Variants in TTC17 observed in about 807,000 individuals in gnomAD.
TTC17 encodes tetratricopeptide repeat protein 17.
TTC17 carries 58 observed loss-of-function variants against 143.8 expected under a neutral mutation model. The observed-to-expected ratio is 0.40, with a 90% CI of 0.33 to 0.50. The LOEUF (loss-of-function observed/expected upper bound fraction) is 0.50. TTC17 is among the 20% of genes least tolerant of loss of function. The probability of loss-of-function intolerance (pLI) is 0.49; values close to 1 mark genes in which losing one functional copy is unlikely to be tolerated. For missense variants in TTC17, 1,273 were observed against 1,392.5 expected (o/e 0.91, Z 1.37); for synonymous variants, 501 against 497.8 (o/e 1.01, Z -0.09).
At chr11:43,417,125 A>G (rs769976349) in intron 16 of TTC17, among the ~76,000 whole-genome samples, 1 of 152,180 alleles carries the variant, frequency 6.6e-6, no homozygotes, top group African/African-American at 2.4e-5. Flanking sequence ...ACTTATTTCC[A>G]GAGTAATCCC....
intron 16 of TTC17, chr11:43,435,129 AGATC>A (rs1554995317): frequency 2.0e-5 from 3 of 147,242 alleles, no homozygotes; most frequent in South Asian, 2.2e-4. Flanking sequence ...ATAGATAGAT[AGATC>A]GGTCTATCTT....
chr11:43,400,306 CA>C (rs1857796383), intron 9 of TTC17, among the ~76,000 whole-genome samples: 1 of 152,094 alleles, frequency 6.6e-6, no homozygotes, highest in Non-Finnish European at 1.5e-5. Flanking sequence ...CAGTTATTTG[CA>C]TTCTGTGTTC....
intron 15 of TTC17, among the ~76,000 whole-genome samples, chr11:43,411,971 T>C (rs183308363): frequency 1.9e-3 from 285 of 152,312 alleles, no homozygotes; most frequent in Non-Finnish European, 2.3e-3. Flanking sequence ...AGGGATATAT[T>C]GTACAGTTTG....
rs1475762770 is a variant in TTC17, at chr11:43,369,999, A to G, written c.160-9234A>G. On this transcript the variant is annotated intron_variant, in intron 1 of 23. Coordinates refer to ENST00000039989, the MANE Select transcript of TTC17 (RefSeq NM_018259.6). ...ATATATTTCCAAATCTTGGCAGTTCATTATAATAGTTTTCTCAATCTCATA... is the reference window on the plus strand; with the variant it reads ...ATATATTTCCAAATCTTGGCAGTTCGTTATAATAGTTTTCTCAATCTCATA... 6.4e-5 allele frequency: 28 copies of G among 440,426 alleles called. No homozygotes were observed. The East Asian group carries it at 1.8e-3, about 29-fold the overall frequency. 27.3% of individuals were successfully genotyped at this position (440,426 alleles called of 1,614,324 possible). A position where few individuals can be genotyped will look rare whatever the true frequency, so the allele number is the denominator to read the frequency against.
At chr11:43,416,701 G>T (rs144060726) in intron 16 of TTC17, among the ~76,000 whole-genome samples, 1 of 152,200 alleles carries the variant, frequency 6.6e-6, no homozygotes, top group East Asian at 1.9e-4. Flanking sequence ...AGTTCTTTCA[G>T]AGGGAGCTCA....
chr11:43,399,285 A>T (rs2009969086), intron 8 of TTC17, among the ~76,000 whole-genome samples: 1 of 152,338 alleles, frequency 6.6e-6, no homozygotes, highest in African/African-American at 2.4e-5. Context: ...TTGTAGAGAG[A>T]AATAGAGTTG....
At chr11:43,454,159 C>T (rs931464784) in intron 21 of TTC17, among the ~76,000 whole-genome samples, 1 of 152,106 alleles carries the variant, frequency 6.6e-6, no homozygotes, top group East Asian at 1.9e-4. Flanking sequence ...TCACTGATTA[C>T]TTAATAGATA....
rs993611563 is a variant in TTC17 at position 43,494,862 on chromosome 11, G to A, written c.*958G>A. 2.0e-5 allele frequency: 3 copies of A among 152,050 alleles called. No individual in the cohort carries two copies. The highest frequency in any genetic ancestry group is 7.2e-5 in the African/African-American group (3 of 41,392). 9.4% of individuals were successfully genotyped at this position (152,050 alleles called of 1,614,324 possible). A position where few individuals can be genotyped will look rare whatever the true frequency, so the allele number is the denominator to read the frequency against. On this transcript the variant is annotated 3_prime_UTR_variant, in exon 24 of 24. Transcript: ENST00000039989. ...TTTACCTTTGATCCCAGGAGAATCA[G>A]AAACTCCAACATTTTGGAATCTTCA...
rs756573522 is a variant in TTC17 at position 43,405,597 on chromosome 11, G to A, written c.1563G>A (p.Thr521=). The change falls in exon 12 of 24, where the codon ACG becomes ACA. Residue 521 remains threonine (T), a synonymous_variant. Coordinates refer to ENST00000039989, the MANE Select transcript of TTC17 (RefSeq NM_018259.6). The part of the protein sequence containing the change: ...PRVPVGGELP[T]YFLPPENKGL... ...TCCCTGTTGGTGGGGAATTGCCAAC[G>A]TATTTTCTGCCTCCGGAAAACAAAG... 1.9e-5 allele frequency: 31 copies of A among 1,613,808 alleles called. No homozygotes were observed. Among genetic ancestry groups the A allele is most frequent in the African/African-American group, 1.7e-4 (13 of 74,906 alleles).
chr11:43,467,760 G>C (rs890387759), intron 21 of TTC17, among the ~76,000 whole-genome samples: 2 of 151,858 alleles, frequency 1.3e-5, no homozygotes, highest in African/African-American at 4.8e-5. Context: ...CCAAACTGAA[G>C]ATGAAGAAGA....
intron 16 of TTC17, among the ~76,000 whole-genome samples, chr11:43,418,711 TA>T (rs1565156089): frequency 1.3e-5 from 2 of 152,150 alleles, no homozygotes; most frequent in African/African-American, 4.8e-5. Flanking sequence ...TATGGAACAG[TA>T]AAGGTTATCT....
rs1164549909 is a variant in TTC17 at position 43,494,319 on chromosome 11, A to G, written c.*415A>G. The G allele has an allele frequency of 1.2e-5, 2 of 161,050 alleles. No individual in the cohort carries two copies. Among genetic ancestry groups the G allele is most frequent in the Non-Finnish European group, 2.7e-5 (2 of 72,742 alleles). 10.0% of individuals were successfully genotyped at this position (161,050 alleles called of 1,614,324 possible). A position where few individuals can be genotyped will look rare whatever the true frequency, so the allele number is the denominator to read the frequency against. ...GTCGTAGCCTCTGTTGTCAATGGAA[A>G]TGCGGAAGCCCATCTGGTGCCCGTC... On this transcript the variant is annotated 3_prime_UTR_variant, in exon 24 of 24. Transcript: ENST00000039989.
At chr11:43,426,599 CTT>C (rs1449541850) in intron 16 of TTC17, among the ~76,000 whole-genome samples, 1 of 152,154 alleles carries the variant, frequency 6.6e-6, no homozygotes, top group Non-Finnish European at 1.5e-5. Context: ...ATTTTTTAAA[CTT>C]TGGTTTGAAT....
In TTC17 at chr11:43,493,945, A is replaced by T. The variant is rs3740980; in HGVS notation, c.*41A>T. 4,651 of 1,519,438 alleles carry T rather than the reference A, an allele frequency of 3.1e-3. 186 individuals carry two copies. In the East Asian group the frequency reaches 0.091, roughly 30 times the overall value. 94.1% of individuals were successfully genotyped at this position (1,519,438 alleles called of 1,614,324 possible). On this transcript the variant is annotated 3_prime_UTR_variant, in exon 24 of 24. Coordinates refer to ENST00000039989, the MANE Select transcript of TTC17 (RefSeq NM_018259.6). ...TCTCTTTCTCTTTACTCATGCTCTAAAAAAAAAGAATAAGAAAAGAAACCA... is the reference window on the plus strand; with the variant it reads ...TCTCTTTCTCTTTACTCATGCTCTATAAAAAAAGAATAAGAAAAGAAACCA...
chr11:43,450,668 A>G, intron 20 of TTC17, among the ~76,000 whole-genome samples: 1 of 152,220 alleles, frequency 6.6e-6, no homozygotes, highest in East Asian at 1.9e-4. Flanking sequence ...GGTTAAATAA[A>G]TTTTGGTTAG....
chr11:43,477,935 A>G (rs1948215176), intron 21 of TTC17, among the ~76,000 whole-genome samples: 1 of 152,212 alleles, frequency 6.6e-6, no homozygotes, highest in African/African-American at 2.4e-5. Flanking sequence ...AATGAATATC[A>G]GCAGTGATCA....
chr11:43,476,584 G>A (rs1222376953), intron 21 of TTC17, among the ~76,000 whole-genome samples: 1 of 152,186 alleles, frequency 6.6e-6, no homozygotes, highest in Admixed American at 6.5e-5. Flanking sequence ...AACACCACAT[G>A]GAAGCTTCCA....
At chr11:43,397,514 T>G (rs1857645173) in intron 7 of TTC17, 23 bp downstream of exon 7, 1 of 1,557,218 alleles carries the variant, frequency 6.4e-7, no homozygotes, top group Non-Finnish European at 8.7e-7. Context: ...CTTTGTTTCA[T>G]GAGTCATGCT....
Position 43,360,709 on chromosome 11 carries a change from A to AT in TTC17, c.159+1612dup, listed in dbSNP as rs565296928. 1.0e-2 allele frequency among the ~76,000 whole-genome samples: 1,425 copies of AT among 142,696 alleles called. 8 individuals are homozygous for AT. Among genetic ancestry groups the AT allele is most frequent in the African/African-American group, 0.016 (630 of 39,248 alleles). 93.6% of individuals were successfully genotyped at this position (142,696 alleles called of 152,430 possible). A position where few individuals can be genotyped will look rare whatever the true frequency, so the allele number is the denominator to read the frequency against. On this transcript the variant is annotated intron_variant, in intron 1 of 23. Coordinates refer to ENST00000039989, the MANE Select transcript of TTC17 (RefSeq NM_018259.6). ...CATTGCAATGGGAAAGTAGAGTCTG[A>AT]TTTTTTTTTTTTTTTTAACAAATTC...
Sources: gnomAD v4.1 joint callset for allele counts (sites outside exome capture counted in the v4.1 genomes callset) on GRCh38, gnomAD v4.1.1 for gene constraint, MANE v1.5 for transcripts, NCBI Gene and HGNC (gene_info 2026-07-23, HGNC 2026-07-21) for gene names.